The following PFKFB2 variants were observed in gnomAD, a reference collection of about 807,000 sequenced individuals.
PFKFB2 encodes 6-phosphofructo-2-kinase/fructose-2,6-biphosphatase 2.
PFKFB2 carries 53 observed loss-of-function variants against 68.0 expected under a neutral mutation model. The ratio of observed to expected loss-of-function variants is 0.78; its 90% confidence interval spans 0.63 to 0.98. The LOEUF is 0.98. Among genes scored for constraint, PFKFB2 ranks in the 50% least tolerant of loss-of-function variants. PFKFB2 has a pLI of 0.00. For synonymous variants in PFKFB2, 222 were observed against 227.6 expected, an observed-to-expected ratio of 0.98 and a Z score of 0.22; for missense variants, 451 against 642.0, an observed-to-expected ratio of 0.70 and a Z score of 3.22.
At chr1:207,050,655 G>C, upstream of PFKFB2, 1 of 1,609,292 alleles carries the variant, frequency 6.2e-7, no homozygotes, top group Non-Finnish European at 8.5e-7. Context: ...CATCCTCCCG[G>C]GACTTTCCCT....
At chr1:207,061,165 T>TTATATATATATATA (rs201702529) in intron 2 of PFKFB2, among the ~76,000 whole-genome samples, 227 of 45,026 alleles carry the variant, frequency 5.0e-3, no homozygotes, top group South Asian at 0.013. Context: ...ATATATATCT[T>TTATATATATATATA]TATATATATA....
At chr1:207,061,187 A>ATATATATTTATATATATCTT (rs1683104434) in intron 2 of PFKFB2, among the ~76,000 whole-genome samples, 3 of 67,608 alleles carry the variant, frequency 4.4e-5, no homozygotes, top group Admixed American at 1.7e-4. Flanking sequence ...ATATATATAT[A>ATATATATTTATATATATCTT]TATATATATA....
intron 2 of PFKFB2, among the ~76,000 whole-genome samples, chr1:207,058,114 C>T (rs1473497120): frequency 6.6e-6 from 1 of 152,188 alleles, no homozygotes; most frequent in East Asian, 1.9e-4. Flanking sequence ...CAACTATAGC[C>T]ATAGTGGTTA....
chr1:207,057,752 T>A (rs1027725278), intron 2 of PFKFB2, among the ~76,000 whole-genome samples: 1 of 152,246 alleles, frequency 6.6e-6, no homozygotes, highest in Admixed American at 6.5e-5. Flanking sequence ...TCATATTCTG[T>A]TCAGCTGCCA....
rs1263131025 is a variant in PFKFB2 at position 207,077,207 on chromosome 1, C to T, written c.*4836C>T. On this transcript the variant is annotated 3_prime_UTR_variant, in exon 15 of 15. Coordinates refer to ENST00000367080, the MANE Select transcript of PFKFB2 (RefSeq NM_006212.2). ...GTTCATTTCTGAAGCTTCTGTGTCCCCAGCTTACCCTGTTCTGAAATGTTG... is the reference window on the plus strand; with the variant it reads ...GTTCATTTCTGAAGCTTCTGTGTCCTCAGCTTACCCTGTTCTGAAATGTTG... 1 of 985,382 alleles carries T rather than the reference C, an allele frequency of 1.0e-6. No homozygotes were observed. Among genetic ancestry groups the T allele is most frequent in the African/African-American group, 1.7e-5 (1 of 57,342 alleles). The allele number at this position is 985,382 out of a possible 1,614,324, so 61.0% of individuals were successfully genotyped here. A position where few individuals can be genotyped will look rare whatever the true frequency, so the allele number is the denominator to read the frequency against.
intron 8 of PFKFB2, chr1:207,065,381 C>G: frequency 1.2e-6 from 1 of 863,472 alleles, no homozygotes; most frequent in Non-Finnish European, 1.4e-6. Context: ...GACAGGGTCT[C>G]ACTCTGTCAC....
intron 1 of PFKFB2, chr1:207,035,064 G>A: frequency 1.5e-6 from 1 of 688,946 alleles, no homozygotes; most frequent in Non-Finnish European, 1.8e-6. Context: ...GGTTGATATA[G>A]GTCATCATTT....
intron 1 of PFKFB2, 28 bp from the exon 2 acceptor site, chr1:207,054,672 CT>C (rs371522481): frequency 7.0e-5 from 104 of 1,483,252 alleles, no homozygotes; most frequent in Non-Finnish European, 9.5e-5. Context: ...TTCCCCTTCC[CT>C]TTTTTACATT....
chr1:207,070,664 T>C lies in PFKFB2; in HGVS notation c.1222+255T>C, dbSNP rs1456019874. 1 of 442,658 alleles carries C rather than the reference T, an allele frequency of 2.3e-6. No individual in the cohort carries two copies. Among genetic ancestry groups the C allele is most frequent in the East Asian group, 4.9e-5 (1 of 20,360 alleles). 27.4% of individuals were successfully genotyped at this position (442,658 alleles called of 1,614,324 possible). A position where few individuals can be genotyped will look rare whatever the true frequency, so the allele number is the denominator to read the frequency against. Reference sequence around the variant, plus strand: ...CTGCCTGGCTCAAGGGCCAGTGTCATGCTGACACTCCTGGCAGCATCAGGA... The same window carrying C: ...CTGCCTGGCTCAAGGGCCAGTGTCACGCTGACACTCCTGGCAGCATCAGGA... On this transcript the variant is annotated intron_variant, in intron 12 of 14. Coordinates refer to ENST00000367080, the MANE Select transcript of PFKFB2 (RefSeq NM_006212.2). The surrounding 1 kb of genome is among the most constrained non-coding windows in gnomAD (Gnocchi z 4.2).
rs143736099 is a variant in PFKFB2, at chr1:207,073,697, C to G, written c.*1326C>G. ...CTAGCTCGTAACTGTTTGTATTTCT[C>G]TATTCACTTCTGTCATTTCATTTTC... On this transcript the variant is annotated 3_prime_UTR_variant, in exon 15 of 15. Coordinates refer to ENST00000367080, the MANE Select transcript of PFKFB2 (RefSeq NM_006212.2). The G allele has an allele frequency of 7.5e-3, 7,383 of 985,156 alleles. 53 individuals are homozygous for G. The highest frequency in any genetic ancestry group is 8.1e-3 in the Non-Finnish European group (6,700 of 829,678). The allele number at this position is 985,156 out of a possible 1,614,324, so 61.0% of individuals were successfully genotyped here. A position where few individuals can be genotyped will look rare whatever the true frequency, so the allele number is the denominator to read the frequency against.
At chr1:207,078,918 G>A (rs199700937), downstream of PFKFB2, 46 of 1,578,688 alleles carry the variant, frequency 2.9e-5, no homozygotes, top group African/African-American at 5.2e-4. Flanking sequence ...TGGCAGTGCT[G>A]TAATAGCTTT....
Position 207,070,303 on chromosome 1 carries a change from G to C in PFKFB2, c.1116G>C (p.Arg372=), listed in dbSNP as rs139434104. The change falls in exon 12 of 15, where the codon CGG becomes CGC. Residue 372 remains arginine, a synonymous_variant. Coordinates refer to ENST00000367080, the MANE Select transcript of PFKFB2 (RefSeq NM_006212.2). This position sits in a 1 kb window ranked among gnomAD's most constrained non-coding sequence, Gnocchi z 4.2. ...GGESYQDLVQ[R]LEPVIMELER... ...AGTCATACCAGGACCTGGTGCAGCGGCTGGAGCCTGTCATCATGGAGCTGG... is the reference window on the plus strand; with the variant it reads ...AGTCATACCAGGACCTGGTGCAGCGCCTGGAGCCTGTCATCATGGAGCTGG... 86 of 1,613,390 alleles carry C rather than the reference G, an allele frequency of 5.3e-5. No homozygotes were observed. Among genetic ancestry groups the C allele is most frequent in the Non-Finnish European group, 7.1e-5 (84 of 1,179,956 alleles).
rs777720748 is a variant in PFKFB2 at position 207,068,241 on chromosome 1, A to G, written c.919A>G (p.Thr307Ala). Residue 307 changes from threonine to alanine, a missense_variant, in exon 10 of 15, where the codon ACC becomes GCC. By Grantham distance (58) the Thr-to-Ala change is moderately conservative. Coordinates refer to ENST00000367080, the MANE Select transcript of PFKFB2 (RefSeq NM_006212.2). ...AGTGTGGACAAGCCAGTTGAAGAGG[A>G]CCATACAGACTGCTGAATCTCTCGG... ...LKVWTSQLKR[T>A]IQTAESLGVP... 1 of 1,612,396 alleles carries G rather than the reference A, an allele frequency of 6.2e-7. No individual in the cohort carries two copies. The highest frequency in any genetic ancestry group is 8.5e-7 in the Non-Finnish European group (1 of 1,179,228).
chr1:207,056,828 A>T (rs1558057349), intron 2 of PFKFB2, among the ~76,000 whole-genome samples: 1 of 152,180 alleles, frequency 6.6e-6, no homozygotes, highest in African/African-American at 2.4e-5. Context: ...AGTTATGAGT[A>T]TATGTGTTAA....
rs1683172071 is a variant in PFKFB2, at chr1:207,063,309, C to G, written c.376-38C>G. 1 of 1,593,472 alleles carries G rather than the reference C, an allele frequency of 6.3e-7. No individual in the cohort carries two copies. The highest frequency in any genetic ancestry group is 2.2e-5 in the East Asian group (1 of 44,772). ...TCTGCCCTGGTGGGGTTCTGTTTCTCTGTTCCTGCTCATTTACCTTGTGTA... is the reference window on the plus strand; with the variant it reads ...TCTGCCCTGGTGGGGTTCTGTTTCTGTGTTCCTGCTCATTTACCTTGTGTA... On this transcript the variant is annotated intron_variant, in intron 5 of 14. Transcript: ENST00000367080. This position sits in a 1 kb window ranked among gnomAD's most constrained non-coding sequence, Gnocchi z 4.1.
chr1:207,078,685 G>T (rs555128789), downstream of PFKFB2, among the ~76,000 whole-genome samples: 1 of 152,154 alleles, frequency 6.6e-6, no homozygotes, highest in Non-Finnish European at 1.5e-5. Flanking sequence ...TCATATCTTG[G>T]GTATGTAGCT....
intron 13 of PFKFB2, 98 bp from the exon 14 acceptor site, chr1:207,071,411 C>T: frequency 9.1e-7 from 1 of 1,098,806 alleles, no homozygotes; most frequent in Non-Finnish European, 1.4e-6. Flanking sequence ...GTGTGTATTG[C>T]AGAATGCGTA....
chr1:207,068,310 G>A lies in PFKFB2; in HGVS notation c.987+1G>A, dbSNP rs147279128. 8.3e-6 allele frequency: 13 copies of A among 1,571,550 alleles called. No homozygotes were observed. The highest frequency in any genetic ancestry group is 1.0e-5 in the Non-Finnish European group (12 of 1,159,358). On this transcript the variant is annotated splice_donor_variant, in intron 10 of 14. Coordinates refer to ENST00000367080, the MANE Select transcript of PFKFB2 (RefSeq NM_006212.2). LOFTEE classifies it high-confidence loss of function. Reference sequence around the variant, plus strand: ...GAAGATTCTGAATGAGATTGATGCTGTGAGTAGGAAGCTCTGAAGGCCCAG... The same window carrying A: ...GAAGATTCTGAATGAGATTGATGCTATGAGTAGGAAGCTCTGAAGGCCCAG...
rs534665822 is a variant in PFKFB2, at chr1:207,074,327, G to A, written c.*1956G>A. The A allele has an allele frequency of 1.1e-4, 112 of 985,420 alleles. No homozygotes were observed. Among genetic ancestry groups the A allele is most frequent in the Non-Finnish European group, 1.3e-4 (106 of 829,922 alleles). The allele number at this position is 985,420 out of a possible 1,614,324, so 61.0% of individuals were successfully genotyped here. Reference sequence around the variant, plus strand: ...GTTAAATGATATAACCCCCTGGAAGGCAGGCTGCTGTGTTTTAGAGGGTTA... The same window carrying A: ...GTTAAATGATATAACCCCCTGGAAGACAGGCTGCTGTGTTTTAGAGGGTTA... On this transcript the variant is annotated 3_prime_UTR_variant, in exon 15 of 15. Coordinates refer to ENST00000367080, the MANE Select transcript of PFKFB2 (RefSeq NM_006212.2).
Sources: gnomAD v4.1 joint callset for allele counts (sites outside exome capture counted in the v4.1 genomes callset) on GRCh38, gnomAD v4.1.1 for gene constraint, Gnocchi (gnomAD v3.1) non-coding constraint, MANE v1.5 for transcripts, NCBI Gene and HGNC (gene_info 2026-07-23, HGNC 2026-07-21) for gene names.